The following KIF24 variants were observed in gnomAD, a reference collection of about 807,000 sequenced individuals.
KIF24 encodes kinesin-like protein KIF24.
KIF24 carries 81 observed loss-of-function variants against 118.9 expected under a neutral mutation model. The ratio of observed to expected loss-of-function variants is 0.68; its 90% confidence interval spans 0.57 to 0.82. KIF24 has a LOEUF of 0.82. KIF24 is among the 40% of genes least tolerant of loss of function. KIF24 has a pLI of 0.00. For missense variants in KIF24, 1,560 were observed against 1,661.6 expected (o/e 0.94, Z 1.06); for synonymous variants, 599 against 610.0 (o/e 0.98, Z 0.27).
At chr9:34,308,952 A>G (rs4878563) in intron 2 of KIF24, among the ~76,000 whole-genome samples, 72,092 of 151,798 alleles carry the variant, frequency 0.47, 20,066 homozygotes, top group South Asian at 0.64. Flanking sequence ...ACAGTGGTGC[A>G]TACCTGTAGT....
Position 34,256,327 on chromosome 9 carries a change from C to G in KIF24, c.3280G>C (p.Val1094Leu). ...STGGPVVSHTVPSGDQEAALP... is the reference protein window; with the variant it reads ...STGGPVVSHTLPSGDQEAALP... Reference sequence around the variant, plus strand: ...GCTGCCTCTTGATCACCAGATGGCACTGTGTGGCTCACAACTGGGCCCCCT... The same window carrying G: ...GCTGCCTCTTGATCACCAGATGGCAGTGTGTGGCTCACAACTGGGCCCCCT... The change falls in exon 11 of 13, where the codon GTG becomes CTG. Residue 1094 changes from valine to leucine, a missense_variant. This residue lies in a region of KIF24 where 591 missense variants were observed against 655.6 expected (regional missense o/e 0.90). Coordinates refer to ENST00000402558, the MANE Select transcript of KIF24 (RefSeq NM_194313.4). 1.9e-6 allele frequency: 3 copies of G among 1,613,530 alleles called. No individual in the cohort carries two copies. Among genetic ancestry groups the G allele is most frequent in the Non-Finnish European group, 2.5e-6 (3 of 1,179,782 alleles).
chr9:34,283,452 G>C, intron 6 of KIF24, among the ~76,000 whole-genome samples: 1 of 152,076 alleles, frequency 6.6e-6, no homozygotes, highest in East Asian at 1.9e-4. Context: ...AAGAAAACTA[G>C]TGGATCATAC....
intron 7 of KIF24, among the ~76,000 whole-genome samples, chr9:34,270,772 CTTTTTTT>C (rs909845624): frequency 1.4e-5 from 2 of 141,922 alleles, no homozygotes; most frequent in South Asian, 4.5e-4. Flanking sequence ...TAATTTTTAC[CTTTTTTT>C]TTTTTTTGAG....
chr9:34,254,344 T>G lies in KIF24; in HGVS notation c.*36A>C. 4 of 1,582,558 alleles carry G rather than the reference T, an allele frequency of 2.5e-6. No individual in the cohort carries two copies. Among genetic ancestry groups the G allele is most frequent in the South Asian group, 1.1e-5 (1 of 87,010 alleles). On this transcript the variant is annotated 3_prime_UTR_variant, in exon 13 of 13. Coordinates refer to ENST00000402558, the MANE Select transcript of KIF24 (RefSeq NM_194313.4). Reference sequence around the variant, plus strand: ...AGCCTGAGAGCCCAGCACAGACTCCTGCAGGGCCCCCACCATCTCGGCACA... The same window carrying G: ...AGCCTGAGAGCCCAGCACAGACTCCGGCAGGGCCCCCACCATCTCGGCACA...
rs370356330 is a variant in KIF24, at chr9:34,328,162, C to T, written c.-26+944G>A. 1.4e-4 allele frequency among the ~76,000 whole-genome samples: 22 copies of T among 152,276 alleles called. No individual in the cohort carries two copies. In the South Asian group the frequency reaches 4.4e-3, roughly 30 times the overall value. On this transcript the variant is annotated intron_variant, in intron 1 of 12. Transcript: ENST00000402558. ...CTTAGGAACGCAATTCTATCATAGA[C>T]ACCTGATGAATAGATGGAGTTCACC...
intron 9 of KIF24, among the ~76,000 whole-genome samples, chr9:34,262,896 T>A (rs1361176613): frequency 6.6e-6 from 1 of 151,412 alleles, no homozygotes; most frequent in African/African-American, 2.4e-5. Context: ...TTTTGAAGCA[T>A]TTCAGATTTC....
At chr9:34,261,980 C>T (rs1248759661) in intron 9 of KIF24, among the ~76,000 whole-genome samples, 2 of 152,156 alleles carry the variant, frequency 1.3e-5, no homozygotes, top group African/African-American at 2.4e-5. Flanking sequence ...GTCGCCCAGG[C>T]TGGAGTGCAG....
intron 1 of KIF24, among the ~76,000 whole-genome samples, chr9:34,315,489 C>A (rs1837301524): frequency 6.6e-6 from 1 of 152,154 alleles, no homozygotes; most frequent in Non-Finnish European, 1.5e-5. Flanking sequence ...TGTGACTTCT[C>A]TCTAAACTCC....
chr9:34,256,262 G>A lies in KIF24; in HGVS notation c.3345C>T (p.Ser1115=). The part of the protein sequence containing the change: ...VSSATRHLWL[S]SSPPDNKPGG... ...CAGGCTTATTATCAGGGGGAGATGA[G>A]GACAGCCACAGGTGCCTAGTTGCTG... The change falls in exon 11 of 13, where the codon TCC becomes TCT. Residue 1115 remains serine (S), a synonymous_variant. Coordinates refer to ENST00000402558, the MANE Select transcript of KIF24 (RefSeq NM_194313.4). The A allele has an allele frequency of 6.2e-7, 1 of 1,607,520 alleles. No individual in the cohort carries two copies. Among genetic ancestry groups the A allele is most frequent in the Non-Finnish European group, 8.5e-7 (1 of 1,176,488 alleles).
chr9:34,257,978 G>T lies in KIF24; in HGVS notation c.1629C>A (p.Val543=). Residue 543 remains valine, a synonymous_variant, in exon 11 of 13, where the codon GTC becomes GTA. Transcript: ENST00000402558. ...TLNTLRYADR[V]KELKKGIKCC... is the part of the protein sequence containing the mutation. Reference sequence around the variant, plus strand: ...ACTTAATGCCTTTCTTTAGTTCTTTGACCCTGTAAATAATCATTTTATGTT... The same window carrying T: ...ACTTAATGCCTTTCTTTAGTTCTTTTACCCTGTAAATAATCATTTTATGTT... 2 of 1,580,930 alleles carry T rather than the reference G, an allele frequency of 1.3e-6. No individual in the cohort carries two copies. Among genetic ancestry groups the T allele is most frequent in the South Asian group, 1.2e-5 (1 of 86,532 alleles).
intron 4 of KIF24, among the ~76,000 whole-genome samples, chr9:34,295,886 C>A (rs950826906): frequency 1.3e-5 from 2 of 151,788 alleles, no homozygotes; most frequent in African/African-American, 4.8e-5. Flanking sequence ...TACTATCATT[C>A]CTGTCCCATT....
chr9:34,257,417 C>A lies in KIF24; in HGVS notation c.2190G>T (p.Arg730Ser). Reference protein sequence around the residue: ...VELSFGNAHHRAEYSQDSQRG... With the variant: ...VELSFGNAHHSAEYSQDSQRG... The stretch of plus-strand genomic sequence containing the variant: ...TCTGGCTGTCTTGACTGTACTCAGC[C>A]CTGTGGTGGGCGTTGCCAAAGGAGA... Residue 730 changes from arginine (R) to serine (S), a missense_variant, in exon 11 of 13, where the codon AGG (arginine) becomes AGT (serine). By Grantham distance (110) the Arg-to-Ser change is moderately radical. This residue lies in a region of KIF24 where 964 missense variants were observed against 988.0 expected (regional missense o/e 0.98). Coordinates refer to ENST00000402558, the MANE Select transcript of KIF24 (RefSeq NM_194313.4). The A allele has an allele frequency of 6.2e-7, 1 of 1,614,066 alleles. No homozygotes were observed. The highest frequency in any genetic ancestry group is 8.5e-7 in the Non-Finnish European group (1 of 1,179,902).
chr9:34,264,451 G>C (rs1342078343), intron 8 of KIF24, among the ~76,000 whole-genome samples: 3 of 151,514 alleles, frequency 2.0e-5, no homozygotes, highest in Non-Finnish European at 2.9e-5. Context: ...AAAAAAAAGA[G>C]GGAAGAAGGT....
rs556845604 is a variant in KIF24, at chr9:34,263,126, G to T, written c.1490C>A (p.Pro497His). 2 of 1,613,432 alleles carry T rather than the reference G, an allele frequency of 1.2e-6. No individual in the cohort carries two copies. The highest frequency in any genetic ancestry group is 2.2e-5 in the South Asian group (2 of 90,916). Residue 497 changes from proline to histidine, a missense_variant, in exon 9 of 13, where the codon CCC (proline) becomes CAC (histidine). By Grantham distance (77) the Pro-to-His change is moderately conservative (BLOSUM62 -2). This residue lies in a region of KIF24 where 964 missense variants were observed against 988.0 expected (regional missense o/e 0.98). Transcript: ENST00000402558. ...RALDQEHTHT[P>H]FRQSKLTQVL... Reference sequence around the variant, plus strand: ...CTGAGTTAGTTTGCTTTGCCTGAAGGGAGTATGGGTGTGTTCCTGATCCAG... The same window carrying T: ...CTGAGTTAGTTTGCTTTGCCTGAAGTGAGTATGGGTGTGTTCCTGATCCAG...
chr9:34,328,436 G>A (rs1304633996), intron 1 of KIF24, among the ~76,000 whole-genome samples: 2 of 152,200 alleles, frequency 1.3e-5, no homozygotes, highest in Non-Finnish European at 2.9e-5. Context: ...AGCCACAGAT[G>A]CAGGAAGAGT....
intron 4 of KIF24, among the ~76,000 whole-genome samples, chr9:34,294,939 G>A (rs967924558): frequency 1.3e-5 from 2 of 152,174 alleles, no homozygotes; most frequent in South Asian, 2.1e-4. Flanking sequence ...TGTTACTCAC[G>A]TATATAAAAC....
Position 34,311,194 on chromosome 9 carries a change from G to A in KIF24, c.153C>T (p.Arg51=). ...SKLGVHDMND[R]KRLFQLIKII... is the part of the protein sequence containing the mutation. ...TTTTGATAAGTTGGAAGAGACGTTTGCGGTCGTTCATGTCATGGACTCCTA... is the reference window on the plus strand; with the variant it reads ...TTTTGATAAGTTGGAAGAGACGTTTACGGTCGTTCATGTCATGGACTCCTA... The change falls in exon 2 of 13, where the codon CGC becomes CGT. Residue 51 remains arginine (R), a synonymous_variant. Coordinates refer to ENST00000402558, the MANE Select transcript of KIF24 (RefSeq NM_194313.4). 1 of 1,613,372 alleles carries A rather than the reference G, an allele frequency of 6.2e-7. No individual in the cohort carries two copies. Among genetic ancestry groups the A allele is most frequent in the Non-Finnish European group, 8.5e-7 (1 of 1,179,496 alleles).
intron 3 of KIF24, among the ~76,000 whole-genome samples, chr9:34,299,947 A>T (rs867995780): frequency 3.9e-5 from 6 of 152,086 alleles, no homozygotes; most frequent in African/African-American, 1.2e-4. Flanking sequence ...AATGACAGAT[A>T]AGGCCTTATC....
At chr9:34,269,655 G>C (rs551236560) in intron 7 of KIF24, among the ~76,000 whole-genome samples, 4 of 152,044 alleles carry the variant, frequency 2.6e-5, no homozygotes, top group African/African-American at 9.6e-5. Context: ...TCCTGACCTC[G>C]TGATCCGCCC....
Sources: gnomAD v4.1 joint callset for allele counts (sites outside exome capture counted in the v4.1 genomes callset) on GRCh38, gnomAD v4.1.1 for gene constraint, gnomAD v4.1.1 regional missense constraint, MANE v1.5 for transcripts, NCBI Gene and HGNC (gene_info 2026-07-23, HGNC 2026-07-21) for gene names.